LRRC4C: variants seen among roughly 807,000 people sequenced by gnomAD.
LRRC4C encodes the protein leucine rich repeat containing 4C.
A neutral mutation model predicts 33.6 loss-of-function variants in LRRC4C; 5 were observed. The ratio of observed to expected loss-of-function variants is 0.15; its 90% CI spans 0.08 to 0.31. LRRC4C has a LOEUF of 0.31. LRRC4C is among the 10% of genes least tolerant of loss of function. The probability of loss-of-function intolerance (pLI) is 1.00; values close to 1 mark genes in which losing one functional copy is unlikely to be tolerated. For missense variants in LRRC4C, 560 were observed against 796.7 expected (o/e 0.70, Z 3.58); for synonymous variants, 329 against 302.0 (o/e 1.09, Z -0.93).
At chr11:40,708,951 T>C (rs905465346) in intron 2 of LRRC4C, among the ~76,000 whole-genome samples, 5 of 152,188 alleles carry the variant, frequency 3.3e-5, no homozygotes, top group African/African-American at 4.8e-5. Context: ...AATTGATCCC[T>C]TTACCATTAT....
chr11:41,292,461 A>G (rs1324912078), intron 1 of LRRC4C, among the ~76,000 whole-genome samples: 2 of 152,158 alleles, frequency 1.3e-5, no homozygotes, highest in African/African-American at 4.8e-5. Flanking sequence ...TTACTAAAAC[A>G]TGCCTCAGTG....
chr11:40,616,040 A>T (rs760364252), intron 3 of LRRC4C, among the ~76,000 whole-genome samples: 40 of 152,028 alleles, frequency 2.6e-4, no homozygotes, highest in Non-Finnish European at 4.9e-4. Context: ...CGGAATCTAC[A>T]ATGAACTCAA....
intron 1 of LRRC4C, among the ~76,000 whole-genome samples, chr11:41,328,507 C>T (rs1440981521): frequency 6.6e-6 from 1 of 152,102 alleles, no homozygotes; most frequent in African/African-American, 2.4e-5. Flanking sequence ...ACACTCCACC[C>T]AGGCCAACAC....
At chr11:40,397,329 G>A (rs189376103) in intron 3 of LRRC4C, among the ~76,000 whole-genome samples, 97 of 152,006 alleles carry the variant, frequency 6.4e-4, no homozygotes, top group Non-Finnish European at 3.1e-4. Flanking sequence ...AAAACATATG[G>A]CATGATTTAA....
intron 5 of LRRC4C, among the ~76,000 whole-genome samples, chr11:40,219,236 T>C (rs1254621210): frequency 6.6e-6 from 1 of 152,230 alleles, no homozygotes; most frequent in Admixed American, 6.5e-5. Context: ...AAGTATTCAA[T>C]GGTCACCTGT....
At chr11:41,040,240 A>G (rs1018480698) in intron 1 of LRRC4C, among the ~76,000 whole-genome samples, 1 of 151,888 alleles carries the variant, frequency 6.6e-6, no homozygotes, top group African/African-American at 2.4e-5. Context: ...GGAGATCTCT[A>G]ATTCTTCACT....
At chr11:40,247,206 CCACT>C (rs1374802029) in intron 4 of LRRC4C, among the ~76,000 whole-genome samples, 2 of 152,082 alleles carry the variant, frequency 1.3e-5, no homozygotes, top group African/African-American at 4.8e-5. Flanking sequence ...TCCAGCGCAC[CCACT>C]GAGTGTACCA....
At chr11:40,703,710 G>A (rs1945998651) in intron 2 of LRRC4C, among the ~76,000 whole-genome samples, 1 of 152,178 alleles carries the variant, frequency 6.6e-6, no homozygotes, top group Admixed American at 6.5e-5. Context: ...AGTCCTACTA[G>A]TCATGGTGAC....
intron 1 of LRRC4C, among the ~76,000 whole-genome samples, chr11:41,370,928 A>T (rs1456262921): frequency 6.6e-6 from 1 of 152,172 alleles, no homozygotes; most frequent in African/African-American, 2.4e-5. Flanking sequence ...CTTCCAGTAG[A>T]TAGGAAGGAG....
intron 4 of LRRC4C, among the ~76,000 whole-genome samples, chr11:40,301,096 G>A (rs936388747): frequency 1.3e-5 from 2 of 152,294 alleles, no homozygotes; most frequent in South Asian, 2.1e-4. Flanking sequence ...GGGCATTGGC[G>A]AAGGGGAGCA....
chr11:41,347,156 A>G (rs1591319486), intron 1 of LRRC4C, among the ~76,000 whole-genome samples: 1 of 152,220 alleles, frequency 6.6e-6, no homozygotes, highest in South Asian at 2.1e-4. Context: ...GGTAGTACAC[A>G]TGGCATTGCA....
chr11:40,647,257 T>C (rs893479569), intron 3 of LRRC4C, among the ~76,000 whole-genome samples: 1 of 152,224 alleles, frequency 6.6e-6, no homozygotes, highest in Non-Finnish European at 1.5e-5. Flanking sequence ...TTTCTACTTA[T>C]GCCTTAAAGC....
chr11:41,142,826 A>G (rs1943568210), intron 1 of LRRC4C, among the ~76,000 whole-genome samples: 1 of 152,090 alleles, frequency 6.6e-6, no homozygotes, highest in Non-Finnish European at 1.5e-5. Flanking sequence ...TCAATGGTGC[A>G]GAGCTACTAT....
chr11:41,373,503 G>A (rs956007237), intron 1 of LRRC4C, among the ~76,000 whole-genome samples: 2 of 152,106 alleles, frequency 1.3e-5, no homozygotes, highest in Non-Finnish European at 2.9e-5. Context: ...ATGTTTGGGA[G>A]TCTGTGTTGT....
chr11:41,304,544 C>A (rs1247497462), intron 1 of LRRC4C, among the ~76,000 whole-genome samples: 1 of 107,578 alleles, frequency 9.3e-6, no homozygotes, highest in African/African-American at 3.6e-5. Context: ...GCCCCCCGCC[C>A]GGCCAGCCGC....
chr11:40,915,642 A>C (rs1956923150), intron 2 of LRRC4C, among the ~76,000 whole-genome samples: 1 of 152,228 alleles, frequency 6.6e-6, no homozygotes, highest in Admixed American at 6.5e-5. Context: ...ATGGGCAAGG[A>C]CTTCATGTCT....
At chr11:41,059,210 G>GTTGCTTTT (rs71060994) in intron 1 of LRRC4C, among the ~76,000 whole-genome samples, 1 of 125,196 alleles carries the variant, frequency 8.0e-6, no homozygotes, top group Non-Finnish European at 1.6e-5. Context: ...TAAAATAAAA[G>GTTGCTTTT]TTTTTTTTTT....
intron 1 of LRRC4C, among the ~76,000 whole-genome samples, chr11:41,070,096 A>T (rs1938565362): frequency 1.3e-5 from 2 of 152,150 alleles, no homozygotes; most frequent in Admixed American, 1.3e-4. Context: ...CAAAACAGGG[A>T]CTTCAGAACT....
chr11:40,604,316 C>A (rs1455381006), intron 3 of LRRC4C, among the ~76,000 whole-genome samples: 2 of 152,094 alleles, frequency 1.3e-5, no homozygotes, highest in East Asian at 3.9e-4. Context: ...CATAATTCTC[C>A]TTCTGTATTA....
Sources: gnomAD v4.1 joint callset for allele counts (sites outside exome capture counted in the v4.1 genomes callset) on GRCh38, gnomAD v4.1.1 for gene constraint, MANE v1.5 for transcripts, NCBI Gene and HGNC (gene_info 2026-07-23, HGNC 2026-07-21) for gene names.